SLIRP: variants seen among roughly 807,000 people sequenced by gnomAD.
SLIRP encodes SRA stem-loop-interacting RNA-binding protein, mitochondrial.
Under a neutral mutation model 13.4 loss-of-function variants are expected in SLIRP, and 12 were observed. That is an observed-to-expected ratio of 0.89 (90% confidence interval 0.57 to 1.45). The LOEUF is 1.45. Among genes scored for constraint, SLIRP ranks in the 40% most tolerant of loss-of-function variants. SLIRP has a pLI of 0.00. For missense variants in SLIRP, 154 were observed against 132.2 expected, an observed-to-expected ratio of 1.17 and a Z score of -0.81; for synonymous variants, 55 against 47.1, an observed-to-expected ratio of 1.17 and a Z score of -0.69.
At chr14:77,710,090 A>C (rs1327175392) in intron 1 of SLIRP, among the ~76,000 whole-genome samples, 3 of 152,240 alleles carry the variant, frequency 2.0e-5, no homozygotes, top group Non-Finnish European at 4.4e-5. Context: ...GTGAAGTACA[A>C]GCACTGTAGT....
At chr14:77,717,425 T>TA in intron 3 of SLIRP, 71 bp from the exon 4 acceptor site, 2 of 1,312,076 alleles carry the variant, frequency 1.5e-6, no homozygotes, top group East Asian at 4.6e-5. Flanking sequence ...GACTCCCTAA[T>TA]AAAGTGATTT....
intron 1 of SLIRP, among the ~76,000 whole-genome samples, chr14:77,708,938 G>C (rs1420594525): frequency 6.6e-6 from 1 of 152,144 alleles, no homozygotes; most frequent in Non-Finnish European, 1.5e-5. Flanking sequence ...AATAACTGAA[G>C]TTAGTATGGG....
intron 3 of SLIRP, among the ~76,000 whole-genome samples, chr14:77,716,537 G>C (rs981511040): frequency 8.0e-5 from 11 of 138,348 alleles, no homozygotes; most frequent in African/African-American, 2.8e-4. Context: ...TGTAGTCCCA[G>C]CTACTCAGGA....
At position 77,717,510 on chromosome 14, in the gene SLIRP, T is replaced by C. The variant is rs560113703; in HGVS notation, c.279T>C (p.Thr93=). Residue 93 remains threonine, a synonymous_variant, in exon 4 of 4, where the codon ACT becomes ACC. Transcript: ENST00000557342. ...ATTTTTTTAAGGTCCAGGTTCACAC[T>C]AGAAGGCCAAAACTTCCGCAAACAT... The part of the protein sequence containing the change: ...IIDGVKVQVH[T]RRPKLPQTSD... The C allele has an allele frequency of 6.2e-7, 1 of 1,614,132 alleles. No individual in the cohort carries two copies. Among genetic ancestry groups the C allele is most frequent in the Non-Finnish European group, 8.5e-7 (1 of 1,180,004 alleles).
chr14:77,708,751 G>A (rs927500854), intron 1 of SLIRP, among the ~76,000 whole-genome samples: 1 of 152,204 alleles, frequency 6.6e-6, no homozygotes, highest in African/African-American at 2.4e-5. Context: ...TTAGAAGTTA[G>A]GAGCAGGCCA....
upstream of SLIRP, chr14:77,708,088 T>A (rs1186152179): frequency 6.2e-7 from 1 of 1,611,384 alleles, no homozygotes; most frequent in Non-Finnish European, 8.5e-7. Flanking sequence ...CGACCTCGGC[T>A]CGAGAAGGTG....
chr14:77,710,954 T>C (rs2080435657), intron 2 of SLIRP, 58 bp downstream of exon 2: 6 of 1,420,844 alleles, frequency 4.2e-6, no homozygotes, highest in East Asian at 2.3e-5. Flanking sequence ...ACAAAAAAAA[T>C]AGAATGAATA....
At chr14:77,713,212 ATATTTT>A (rs2080454103) in intron 2 of SLIRP, among the ~76,000 whole-genome samples, 1 of 152,090 alleles carries the variant, frequency 6.6e-6, no homozygotes, top group African/African-American at 2.4e-5. Context: ...TAATAAAACA[ATATTTT>A]TATATTAATT....
chr14:77,716,002 T>C (rs2080474688), intron 3 of SLIRP, 123 bp downstream of exon 3: 1 of 805,118 alleles, frequency 1.2e-6, no homozygotes, highest in Non-Finnish European at 2.0e-6. Flanking sequence ...TAACTGAAGC[T>C]GCCTTAATGC....
At position 77,710,880 on chromosome 14, in the gene SLIRP, G is replaced by A. The variant is rs1282192855; in HGVS notation, c.140G>A (p.Arg47Lys). 5 of 1,613,994 alleles carry A rather than the reference G, an allele frequency of 3.1e-6. No homozygotes were observed. The highest frequency in any genetic ancestry group is 1.3e-5 in the African/African-American group (1 of 74,906). ...EHFAQFGHVR[R>K]CILPFDKETG... is the part of the protein sequence containing the mutation. The stretch of plus-strand genomic sequence containing the variant: ...TTTGCACAGTTCGGCCATGTCAGAA[G>A]GTGCATTTTACCTTTTGTAAGTATT... The change falls in exon 2 of 4, where the codon AGG becomes AAG. Residue 47 changes from arginine (R) to lysine (K), a missense_variant. Arg to Lys is a conservative substitution (Grantham distance 26). Coordinates refer to ENST00000557342, the MANE Select transcript of SLIRP (RefSeq NM_031210.6).
At chr14:77,712,936 C>T (rs919035282) in intron 2 of SLIRP, among the ~76,000 whole-genome samples, 3 of 152,140 alleles carry the variant, frequency 2.0e-5, no homozygotes, top group African/African-American at 7.2e-5. Flanking sequence ...AAGATGGCAT[C>T]TTATACAGAA....
intron 2 of SLIRP, among the ~76,000 whole-genome samples, chr14:77,711,180 T>G (rs1401645041): frequency 1.3e-5 from 2 of 149,476 alleles, no homozygotes; most frequent in African/African-American, 4.9e-5. Context: ...AAACATCTCA[T>G]GTACTCCATA....
chr14:77,709,233 G>C (rs1242208954), intron 1 of SLIRP, among the ~76,000 whole-genome samples: 1 of 152,110 alleles, frequency 6.6e-6, no homozygotes, highest in Non-Finnish European at 1.5e-5. Flanking sequence ...TTTTATATTT[G>C]CTTACCAACA....
At chr14:77,716,918 C>G (rs990251520) in intron 3 of SLIRP, among the ~76,000 whole-genome samples, 5 of 152,034 alleles carry the variant, frequency 3.3e-5, no homozygotes, top group African/African-American at 9.7e-5. Flanking sequence ...TGCGCCACCA[C>G]GCACTGCTAA....
intron 1 of SLIRP, 78 bp from the exon 2 acceptor site, chr14:77,710,760 T>C: frequency 6.3e-7 from 1 of 1,592,752 alleles, no homozygotes; most frequent in East Asian, 2.2e-5. Context: ...AGAAATCTGG[T>C]GACCCTGTCT....
chr14:77,712,872 T>TA (rs987997851), intron 2 of SLIRP, among the ~76,000 whole-genome samples: 4 of 152,342 alleles, frequency 2.6e-5, no homozygotes, highest in Non-Finnish European at 5.9e-5. Flanking sequence ...TAGGCTGTCT[T>TA]ACAATATGGC....
chr14:77,713,690 T>TA (rs1435076333), intron 2 of SLIRP, among the ~76,000 whole-genome samples: 2 of 152,224 alleles, frequency 1.3e-5, no homozygotes, highest in Non-Finnish European at 2.9e-5. Context: ...AGAAGAAACT[T>TA]AAATGTTCAT....
intron 1 of SLIRP, among the ~76,000 whole-genome samples, chr14:77,708,739 G>A (rs2139873512): frequency 6.6e-6 from 1 of 152,296 alleles, no homozygotes; most frequent in Non-Finnish European, 1.5e-5. Flanking sequence ...TGAATTGTTT[G>A]TTTAGAAGTT....
chr14:77,713,967 C>CA (rs984445425), intron 2 of SLIRP, among the ~76,000 whole-genome samples: 3 of 151,502 alleles, frequency 2.0e-5, no homozygotes, highest in Admixed American at 6.6e-5. Flanking sequence ...TAAAATATGA[C>CA]AAAAAAAATA....
Sources: allele counts gnomAD v4.1 joint callset (sites outside exome capture counted in the v4.1 genomes callset), GRCh38; gene constraint gnomAD v4.1.1; transcripts MANE v1.5; gene names NCBI Gene and HGNC (gene_info 2026-07-23, HGNC 2026-07-21).